The following THRB variants were observed in gnomAD, a reference collection of about 807,000 sequenced individuals.
The protein encoded by THRB is thyroid hormone receptor beta.
In THRB, 12 loss-of-function variants were observed where a neutral mutation model predicts 47.8. That is an observed-to-expected ratio of 0.25 (90% CI 0.16 to 0.41). The LOEUF is 0.41. Ranked by LOEUF, THRB falls within the 10% of genes least tolerant of loss-of-function variation. The pLI, the probability that THRB is intolerant of heterozygous loss-of-function variation, is 1.00. For synonymous variants in THRB, 218 were observed against 212.2 expected (o/e 1.03, Z -0.24); for missense variants, 348 against 589.2 (o/e 0.59, Z 4.24).
intron 2 of THRB, among the ~76,000 whole-genome samples, chr3:24,327,993 G>T (rs1212403587): frequency 6.6e-6 from 1 of 152,080 alleles, no homozygotes; most frequent in Non-Finnish European, 1.5e-5. Context: ...TAGGAAATGG[G>T]TGCATGACAT....
intron 1 of THRB, among the ~76,000 whole-genome samples, chr3:24,421,107 C>T (rs1393442483): frequency 6.6e-6 from 1 of 151,802 alleles, no homozygotes; most frequent in Non-Finnish European, 1.5e-5. Context: ...AATGGAAAAT[C>T]AAATACTTGA....
At chr3:24,445,469 AT>A (rs2071978273) in intron 1 of THRB, among the ~76,000 whole-genome samples, 1 of 152,188 alleles carries the variant, frequency 6.6e-6, no homozygotes, top group African/African-American at 2.4e-5. Context: ...TGGAAAAATA[AT>A]TTCCAGAGAC....
At chr3:24,321,372 G>T (rs1299338465) in intron 2 of THRB, among the ~76,000 whole-genome samples, 1 of 152,066 alleles carries the variant, frequency 6.6e-6, no homozygotes, top group Non-Finnish European at 1.5e-5. Context: ...GTAGGTTTAT[G>T]AATTTTTGAA....
intron 1 of THRB, among the ~76,000 whole-genome samples, chr3:24,346,250 G>C (rs1300012224): frequency 6.6e-6 from 1 of 152,038 alleles, no homozygotes; most frequent in East Asian, 1.9e-4. Context: ...CTGGAAAGTA[G>C]TCAAAGTCAC....
intron 1 of THRB, among the ~76,000 whole-genome samples, chr3:24,368,083 T>C (rs774317731): frequency 3.6e-4 from 55 of 152,148 alleles, no homozygotes; most frequent in Non-Finnish European, 5.9e-4. Context: ...TTAACATATG[T>C]AATTATTTTA....
At position 24,366,783 on chromosome 3, in the gene THRB, G is replaced by A. The variant is rs2064505528; in HGVS notation, c.-260-29412C>T. 2.6e-5 allele frequency among the ~76,000 whole-genome samples: 4 copies of A among 151,658 alleles called. No individual in the cohort carries two copies. The South Asian group carries it at 8.4e-4, about 32-fold the overall frequency. On this transcript the variant is annotated intron_variant, in intron 1 of 10. Coordinates refer to ENST00000646209, the MANE Select transcript of THRB (RefSeq NM_001354712.2). ...TTACAGGCACATGCCACCACACCAG[G>A]TTAATTTTTGTATTTTTAGTAGAGA...
chr3:24,358,421 G>C (rs2063837299), intron 1 of THRB, among the ~76,000 whole-genome samples: 1 of 152,080 alleles, frequency 6.6e-6, no homozygotes, highest in South Asian at 2.1e-4. Context: ...TTATGTTGGA[G>C]TCTTTGATTC....
intron 2 of THRB, chr3:24,318,301 T>G (rs2058259886): frequency 6.6e-6 from 1 of 152,340 alleles, no homozygotes; most frequent in South Asian, 2.1e-4. Flanking sequence ...GCCTCCTGCA[T>G]GTGCCTTATG....
At chr3:24,333,303 A>G (rs2062039955) in intron 2 of THRB, among the ~76,000 whole-genome samples, 4 of 152,244 alleles carry the variant, frequency 2.6e-5, no homozygotes, top group Admixed American at 2.0e-4. Flanking sequence ...CACATGTTAC[A>G]TTAGCCACTT....
intron 4 of THRB, among the ~76,000 whole-genome samples, chr3:24,210,337 G>A (rs1048773406): frequency 2.6e-5 from 4 of 151,876 alleles, no homozygotes; most frequent in Non-Finnish European, 5.9e-5. Flanking sequence ...TTATTTGTTC[G>A]ATCCAAATAA....
intron 1 of THRB, among the ~76,000 whole-genome samples, chr3:24,370,429 G>T (rs1465481202): frequency 1.3e-5 from 2 of 152,082 alleles, no homozygotes; most frequent in East Asian, 3.9e-4. Flanking sequence ...GTGTCAAGAT[G>T]ATCATGGCAG....
intron 2 of THRB, among the ~76,000 whole-genome samples, chr3:24,333,404 G>A (rs2062044782): frequency 6.6e-6 from 1 of 152,124 alleles, no homozygotes; most frequent in South Asian, 2.1e-4. Context: ...CAAAGTCCCC[G>A]GAATGGAGAA....
At chr3:24,476,890 T>C (rs1695536875) in intron 1 of THRB, among the ~76,000 whole-genome samples, 1 of 152,176 alleles carries the variant, frequency 6.6e-6, no homozygotes, top group African/African-American at 2.4e-5. Context: ...GAATCTCAAC[T>C]GAAGAAAATG....
chr3:24,280,687 G>GA (rs1003704242), intron 3 of THRB, among the ~76,000 whole-genome samples: 53 of 152,108 alleles, frequency 3.5e-4, no homozygotes, highest in Non-Finnish European at 5.1e-4. Context: ...TGAAAACTTT[G>GA]AAAAAAACTT....
rs556429294 is a variant in THRB at position 24,190,220 on chromosome 3, C to T, written c.137G>A (p.Arg46His). The change falls in exon 5 of 11, where the codon CGC (arginine) becomes CAC (histidine). Residue 46 changes from arginine (R) to histidine (H), a missense_variant. By Grantham distance (29) the Arg-to-His change is conservative. Coordinates refer to ENST00000646209, the MANE Select transcript of THRB (RefSeq NM_001354712.2). ...CGACTGTTCATTTTTCAACGTGCTG[C>T]GCCTCTCTGAATGGCTCTTCCTATG... ...CLHRKSHSERRSTLKNEQSSP... is the reference protein window; with the variant it reads ...CLHRKSHSERHSTLKNEQSSP... 37 of 1,614,052 alleles carry T rather than the reference C, an allele frequency of 2.3e-5. No homozygotes were observed. The highest frequency in any genetic ancestry group is 1.6e-4 in the Middle Eastern group (1 of 6,062).
chr3:24,327,230 T>C, intron 2 of THRB, among the ~76,000 whole-genome samples: 1 of 152,184 alleles, frequency 6.6e-6, no homozygotes, highest in East Asian at 1.9e-4. Flanking sequence ...GATGAACTAT[T>C]TTGTTCATCC....
At chr3:24,439,760 G>A (rs1160721761) in intron 1 of THRB, among the ~76,000 whole-genome samples, 4 of 152,144 alleles carry the variant, frequency 2.6e-5, no homozygotes, top group African/African-American at 9.7e-5. Flanking sequence ...TGAAAAATAG[G>A]TCTAATTTTT....
At chr3:24,333,059 G>T (rs2062025450) in intron 2 of THRB, among the ~76,000 whole-genome samples, 1 of 152,126 alleles carries the variant, frequency 6.6e-6, no homozygotes, top group African/African-American at 2.4e-5. Context: ...ACTCCAGCCT[G>T]GGTGACAGAG....
intron 5 of THRB, among the ~76,000 whole-genome samples, chr3:24,186,049 A>G (rs1291330504): frequency 1.3e-5 from 2 of 152,204 alleles, no homozygotes; most frequent in Non-Finnish European, 2.9e-5. Flanking sequence ...CCCCACGTGC[A>G]GTCAGGGAAG....
Sources: allele counts gnomAD v4.1 joint callset (sites outside exome capture counted in the v4.1 genomes callset), GRCh38; gene constraint gnomAD v4.1.1; transcripts MANE v1.5; gene names NCBI Gene and HGNC (gene_info 2026-07-23, HGNC 2026-07-21).